BRIP1: variants seen among roughly 807,000 people sequenced by gnomAD.
BRIP1 encodes Fanconi anemia group J protein.
A neutral mutation model predicts 119.7 loss-of-function variants in BRIP1; 88 were observed. That is an observed-to-expected ratio of 0.74 (90% CI 0.62 to 0.88). The LOEUF is 0.88. Ranked by LOEUF, BRIP1 falls within the 40% of genes least tolerant of loss-of-function variation. The pLI, the probability that BRIP1 is intolerant of heterozygous loss-of-function variation, is 0.00. For missense variants in BRIP1, 1,259 were observed against 1,455.4 expected (o/e 0.87, Z 2.20); for synonymous variants, 443 against 496.5 (o/e 0.89, Z 1.43).
At chr17:61,784,663 C>T (rs1016904802) in intron 10 of BRIP1, among the ~76,000 whole-genome samples, 9 of 152,156 alleles carry the variant, frequency 5.9e-5, no homozygotes, top group African/African-American at 1.7e-4. Context: ...AATAGATTAA[C>T]GCCCTCCCTA....
rs529710126 is a variant in BRIP1, at chr17:61,791,488, C to CAAAAAAAAAAA, written c.1473+2098_1473+2108dup. 4.7e-4 allele frequency among the ~76,000 whole-genome samples: 25 copies of CAAAAAAAAAAA among 52,918 alleles called. 1 individual carries two copies. The highest frequency in any genetic ancestry group is 7.4e-4 in the African/African-American group (9 of 12,134). The allele number at this position is 52,918 out of a possible 152,430, so 34.7% of individuals were successfully genotyped here. A position where few individuals can be genotyped will look rare whatever the true frequency, so the allele number is the denominator to read the frequency against. The stretch of plus-strand genomic sequence containing the variant: ...TGGGCAACAGAGTGAGACTTCATCT[C>CAAAAAAAAAAA]AAAAAAAAAAAAAAAAAAAAAAGAA... On this transcript the variant is annotated intron_variant, in intron 10 of 19. Transcript: ENST00000259008.
Position 61,856,850 on chromosome 17 carries a change from G to A in BRIP1, c.379+208C>T, listed in dbSNP as rs369916487. Among the ~76,000 whole-genome samples the A allele has an allele frequency of 1.6e-4, 25 of 152,240 alleles. No homozygotes were observed. In the East Asian group the frequency reaches 4.2e-3, roughly 26 times the overall value. ...AAAAAATTATTTAGGACAACAAAAT[G>A]TCTCAATAAATTAAAAGTCAAACCA... On this transcript the variant is annotated intron_variant, in intron 4 of 19. Transcript: ENST00000259008. The surrounding 1 kb of genome is among the most constrained non-coding windows in gnomAD (Gnocchi z 5.1).
intron 17 of BRIP1, among the ~76,000 whole-genome samples, chr17:61,702,969 GTTC>G (rs2061637239): frequency 8.8e-6 from 1 of 113,132 alleles, no homozygotes; most frequent in African/African-American, 3.5e-5. Flanking sequence ...GCGAGCATCT[GTTC>G]TTTTTTTTTT....
Position 61,802,134 on chromosome 17 carries a change from T to C in BRIP1, c.919-660A>G, listed in dbSNP as rs750826094. On this transcript the variant is annotated intron_variant, in intron 7 of 19. Coordinates refer to ENST00000259008, the MANE Select transcript of BRIP1 (RefSeq NM_032043.3). This position sits in a 1 kb window ranked among gnomAD's most constrained non-coding sequence, Gnocchi z 6.0. ...TTTCATTTCATATTTCTTCTATACA[T>C]GTGTATATAAGGATATCTCTACAAT... is the stretch of plus-strand genomic sequence containing the variant. Among the ~76,000 whole-genome samples, 2 of 152,136 alleles carry C rather than the reference T, an allele frequency of 1.3e-5. No homozygotes were observed. Among genetic ancestry groups the C allele is most frequent in the African/African-American group, 2.4e-5 (1 of 41,428 alleles).
Position 61,742,179 on chromosome 17 carries a change from G to A in BRIP1, c.2379+834C>T, listed in dbSNP as rs2076994808. On this transcript the variant is annotated intron_variant, in intron 16 of 19. Coordinates refer to ENST00000259008, the MANE Select transcript of BRIP1 (RefSeq NM_032043.3). The surrounding 1 kb of genome is among the most constrained non-coding windows in gnomAD (Gnocchi z 4.7). ...ACCTCTGCTAGCTTCAAACTTTTCT[G>A]CAGCCTCCTCACCTCTCTCAGCTTT... Among the ~76,000 whole-genome samples, 1 of 152,158 alleles carries A rather than the reference G, an allele frequency of 6.6e-6. No homozygotes were observed. The highest frequency in any genetic ancestry group is 1.5e-5 in the Non-Finnish European group (1 of 68,024).
In BRIP1 at chr17:61,762,998, A is replaced by G. The variant is rs576651026; in HGVS notation, c.2097+13403T>C. Among the ~76,000 whole-genome samples the G allele has an allele frequency of 3.9e-5, 6 of 152,290 alleles. No homozygotes were observed. The highest frequency in any genetic ancestry group is 3.3e-4 in the Admixed American group (5 of 15,274). On this transcript the variant is annotated intron_variant, in intron 14 of 19. Transcript: ENST00000259008. The surrounding 1 kb of genome is among the most constrained non-coding windows in gnomAD (Gnocchi z 4.3). ...GCTAAGTGAAATAAGCCAGGCACAG[A>G]AAGATAAATGTCTCATGCCCTTACT...
In BRIP1 at chr17:61,680,004, A is replaced by G. The variant is rs2061252412; in HGVS notation, c.*3292T>C. Among the ~76,000 whole-genome samples, 1 of 152,086 alleles carries G rather than the reference A, an allele frequency of 6.6e-6. No individual in the cohort carries two copies. The highest frequency in any genetic ancestry group is 2.4e-5 in the African/African-American group (1 of 41,400). The stretch of plus-strand genomic sequence containing the variant: ...ACACATCTCTATGTACATTCTCAGT[A>G]ATGAAAATTTTTAACTTCAGGGAGA... On this transcript the variant is annotated 3_prime_UTR_variant, in exon 20 of 20. Coordinates refer to ENST00000259008, the MANE Select transcript of BRIP1 (RefSeq NM_032043.3).
At chr17:61,712,503 C>T (rs1452609389) in intron 17 of BRIP1, among the ~76,000 whole-genome samples, 1 of 152,168 alleles carries the variant, frequency 6.6e-6, no homozygotes, top group Non-Finnish European at 1.5e-5. Flanking sequence ...CATGAGCCAC[C>T]TCACCTGGCC....
At position 61,857,182 on chromosome 17, in the gene BRIP1, T is replaced by C. The variant is rs2078909755; in HGVS notation, c.255A>G (p.Ser85=). The change falls in exon 4 of 20, where the codon TCA becomes TCG. Residue 85 remains serine, a synonymous_variant. Coordinates refer to ENST00000259008, the MANE Select transcript of BRIP1 (RefSeq NM_032043.3). This position sits in a 1 kb window ranked among gnomAD's most constrained non-coding sequence, Gnocchi z 5.1. ...GVSEKAEVQL[S]CCCACHSKDF... ...CCTTTGAATGGCATGCACAACAACA[T>C]GACAATTGTACTTCAGCTTTTTCAC... The C allele has an allele frequency of 6.2e-7, 1 of 1,614,026 alleles. No homozygotes were observed. Among genetic ancestry groups the C allele is most frequent in the East Asian group, 2.2e-5 (1 of 44,882 alleles).
At chr17:61,765,179 T>C (rs1001503607) in intron 14 of BRIP1, among the ~76,000 whole-genome samples, 4 of 150,868 alleles carry the variant, frequency 2.7e-5, no homozygotes, top group Middle Eastern at 3.4e-3. Context: ...GGTATTCTGT[T>C]ATAGCATCAA....
Position 61,824,855 on chromosome 17 carries a change from G to T in BRIP1, c.628-16098C>A, listed in dbSNP as rs1466706246. Reference sequence around the variant, plus strand: ...ATTTACAAATCATGTATCCAATAAGGTATTAATATCTGGAATACATAAAGA... The same window carrying T: ...ATTTACAAATCATGTATCCAATAAGTTATTAATATCTGGAATACATAAAGA... On this transcript the variant is annotated intron_variant, in intron 6 of 19. Coordinates refer to ENST00000259008, the MANE Select transcript of BRIP1 (RefSeq NM_032043.3). The surrounding 1 kb of genome is among the most constrained non-coding windows in gnomAD (Gnocchi z 4.3). 1.3e-4 allele frequency among the ~76,000 whole-genome samples: 20 copies of T among 152,112 alleles called. No homozygotes were observed. Among genetic ancestry groups the T allele is most frequent in the Non-Finnish European group, 2.9e-5 (2 of 68,008 alleles).
At position 61,856,577 on chromosome 17, in the gene BRIP1, T is replaced by A. The variant is rs948965599; in HGVS notation, c.379+481A>T. ...TAAATATATTATTAATAATCTTATG[T>A]TACTCTTAATGTATTTCTCTAAAAT... is the stretch of plus-strand genomic sequence containing the variant. On this transcript the variant is annotated intron_variant, in intron 4 of 19. Transcript: ENST00000259008. The surrounding 1 kb of genome is among the most constrained non-coding windows in gnomAD (Gnocchi z 5.1). 5.9e-5 allele frequency among the ~76,000 whole-genome samples: 9 copies of A among 152,146 alleles called. No homozygotes were observed. Among genetic ancestry groups the A allele is most frequent in the East Asian group, 3.8e-4 (2 of 5,204 alleles).
rs989297065 is a variant in BRIP1, at chr17:61,695,033, A to T, written c.2493-1521T>A. On this transcript the variant is annotated intron_variant, in intron 17 of 19. Transcript: ENST00000259008. The surrounding 1 kb of genome is among the most constrained non-coding windows in gnomAD (Gnocchi z 4.3). ...AAAATTTGAACTGTAACAAAGTCCAATTTATCTGCTTTTTCTTTGGTTGCT... is the reference window on the plus strand; with the variant it reads ...AAAATTTGAACTGTAACAAAGTCCATTTTATCTGCTTTTTCTTTGGTTGCT... Among the ~76,000 whole-genome samples, 15 of 151,900 alleles carry T rather than the reference A, an allele frequency of 9.9e-5. No homozygotes were observed. Among genetic ancestry groups the T allele is most frequent in the Non-Finnish European group, 1.5e-4 (10 of 67,906 alleles).
rs754242563 is a variant in BRIP1, at chr17:61,808,732, C to T, written c.653G>A (p.Cys218Tyr). 59 of 1,613,480 alleles carry T rather than the reference C, an allele frequency of 3.7e-5. 2 individuals carry two copies. In the South Asian group the frequency reaches 6.0e-4, roughly 17 times the overall value. Residue 218 changes from cysteine to tyrosine, a missense_variant, in exon 7 of 20, where the codon TGT (cysteine) becomes TAT (tyrosine). By Grantham distance (194) the Cys-to-Tyr change is radical. Around this residue, in one of 3 missense-constraint regions of BRIP1, gnomAD observed 501 missense variants for 544.0 expected, o/e 0.92. Transcript: ENST00000259008. The surrounding 1 kb of genome is among the most constrained non-coding windows in gnomAD (Gnocchi z 4.1). ...ACTGTTTCCTTGTTTAGTAGAACAACAGCACCTAGAACAGTGGCCAGGGGG... is the reference window on the plus strand; with the variant it reads ...ACTGTTTCCTTGTTTAGTAGAACAATAGCACCTAGAACAGTGGCCAGGGGG... ...QKPPGHCSRC[C>Y]CSTKQGNSQE... is the part of the protein sequence containing the mutation.
rs1158842141 is a variant in BRIP1, at chr17:61,831,987, AC to A, written c.627+15113del. On this transcript the variant is annotated intron_variant, in intron 6 of 19. Coordinates refer to ENST00000259008, the MANE Select transcript of BRIP1 (RefSeq NM_032043.3). This position sits in a 1 kb window ranked among gnomAD's most constrained non-coding sequence, Gnocchi z 4.1. The stretch of plus-strand genomic sequence containing the variant: ...ATGAGTCTGGGTTTGTGTACACAAT[AC>A]ATTGTGTATATTCTCTAGCTGTCTG... Among the ~76,000 whole-genome samples the A allele has an allele frequency of 6.6e-6, 1 of 152,176 alleles. No individual in the cohort carries two copies. The highest frequency in any genetic ancestry group is 6.5e-5 in the Admixed American group (1 of 15,268).
chr17:61,752,828 A>G lies in BRIP1; in HGVS notation c.2098-8237T>C, dbSNP rs976939960. Among the ~76,000 whole-genome samples the G allele has an allele frequency of 3.3e-5, 5 of 152,212 alleles. No homozygotes were observed. The highest frequency in any genetic ancestry group is 1.2e-4 in the African/African-American group (5 of 41,456). ...AATACTTAAAATTAAAATGAGTAAGATATGGTGTTGGATGGGACATGACAG... is the reference window on the plus strand; with the variant it reads ...AATACTTAAAATTAAAATGAGTAAGGTATGGTGTTGGATGGGACATGACAG... On this transcript the variant is annotated intron_variant, in intron 14 of 19. Coordinates refer to ENST00000259008, the MANE Select transcript of BRIP1 (RefSeq NM_032043.3). This position sits in a 1 kb window ranked among gnomAD's most constrained non-coding sequence, Gnocchi z 6.2.
chr17:61,769,764 T>C lies in BRIP1; in HGVS notation c.2097+6637A>G, dbSNP rs1409335351. Among the ~76,000 whole-genome samples, 2 of 152,106 alleles carry C rather than the reference T, an allele frequency of 1.3e-5. No individual in the cohort carries two copies. Among genetic ancestry groups the C allele is most frequent in the Non-Finnish European group, 2.9e-5 (2 of 68,006 alleles). ...CCTGAAATCTGGAGAGACAGGTAAA[T>C]ACAGAGAATCAAGATATGCTTACTG... On this transcript the variant is annotated intron_variant, in intron 14 of 19. Transcript: ENST00000259008. This position sits in a 1 kb window ranked among gnomAD's most constrained non-coding sequence, Gnocchi z 4.9.
chr17:61,812,435 G>T (rs2078176848), intron 6 of BRIP1, among the ~76,000 whole-genome samples: 1 of 151,556 alleles, frequency 6.6e-6, no homozygotes, highest in Non-Finnish European at 1.5e-5. Context: ...TAAGACATGG[G>T]GCTTTCCAAA....
rs952464529 is a variant in BRIP1 at position 61,695,234 on chromosome 17, C to T, written c.2493-1722G>A. 6.6e-6 allele frequency among the ~76,000 whole-genome samples: 1 copy of T among 152,072 alleles called. No individual in the cohort carries two copies. Among genetic ancestry groups the T allele is most frequent in the Non-Finnish European group, 1.5e-5 (1 of 67,950 alleles). ...AGATATCCAGTTGTCCCAACACCAT[C>T]TGTTGAAAAGACTATTCTTTCTTTG... On this transcript the variant is annotated intron_variant, in intron 17 of 19. Coordinates refer to ENST00000259008, the MANE Select transcript of BRIP1 (RefSeq NM_032043.3). The surrounding 1 kb of genome is among the most constrained non-coding windows in gnomAD (Gnocchi z 4.3).
Sources: allele counts gnomAD v4.1 joint callset (sites outside exome capture counted in the v4.1 genomes callset), GRCh38; gene constraint gnomAD v4.1.1; regional missense constraint gnomAD v4.1.1; non-coding constraint Gnocchi (gnomAD v3.1); transcripts MANE v1.5; gene names NCBI Gene and HGNC (gene_info 2026-07-23, HGNC 2026-07-21).